The following NBEAL2 variants were observed in gnomAD, a reference collection of about 807,000 sequenced individuals.
The protein encoded by NBEAL2 is neurobeachin like 2.
In NBEAL2, 160 loss-of-function variants were observed where a neutral mutation model predicts 299.8. The ratio of observed to expected loss-of-function variants is 0.53; its 90% CI spans 0.47 to 0.61. The LOEUF is 0.61. Ranked by LOEUF, NBEAL2 falls within the 20% of genes least tolerant of loss-of-function variation. The pLI, the probability that NBEAL2 is intolerant of heterozygous loss-of-function variation, is 0.00. For missense variants in NBEAL2, 3,112 were observed against 3,649.0 expected, an observed-to-expected ratio of 0.85 and a Z score of 3.79; for synonymous variants, 1,493 against 1,542.3, an observed-to-expected ratio of 0.97 and a Z score of 0.75.
rs191244267 is a variant in NBEAL2 at position 46,996,699 on chromosome 3, G to C, written c.2474-52G>C. ...TCCTGTGGTCAGGCAGTCTCTGGAT[G>C]GGGTTTGGCCAGAGGCCTAGCAAGG... is the stretch of plus-strand genomic sequence containing the variant. On this transcript the variant is annotated intron_variant, in intron 16 of 53. Coordinates refer to ENST00000450053, the MANE Select transcript of NBEAL2 (RefSeq NM_015175.3). The C allele has an allele frequency of 1.9e-6, 3 of 1,580,184 alleles. No individual in the cohort carries two copies. The East Asian group carries it at 6.8e-5, about 36-fold the overall frequency.
In NBEAL2 at chr3:46,989,162, C is replaced by T. The variant is rs1023589274; in HGVS notation, c.347C>T (p.Ala116Val). The T allele has an allele frequency of 9.9e-6, 16 of 1,613,740 alleles. No homozygotes were observed. Among genetic ancestry groups the T allele is most frequent in the South Asian group, 3.3e-5 (3 of 91,060 alleles). Reference sequence around the variant, plus strand: ...CTGGCACTGTTGACCAAGTTGGTGGCGGAGGTGAAGTGGCCTCTACCTTGG... The same window carrying T: ...CTGGCACTGTTGACCAAGTTGGTGGTGGAGGTGAAGTGGCCTCTACCTTGG... ...RVLALLTKLV[A>V]ELKGCPPPQG... is the part of the protein sequence containing the mutation. The change falls in exon 4 of 54, where the codon GCG becomes GTG. Residue 116 changes from alanine (A) to valine (V), a missense_variant. Transcript: ENST00000450053. This position sits in a 1 kb window ranked among gnomAD's most constrained non-coding sequence, Gnocchi z 5.5.
chr3:47,001,970 G>A lies in NBEAL2; in HGVS notation c.4833G>A (p.Val1611=). ...VRLHMLLQTA[V]PARREEACYV... ...TGCACATGCTGCTACAGACTGCAGT[G>A]CCAGCCCGCCGCGAGGAGGCCTGCT... The change falls in exon 31 of 54, where the codon GTG becomes GTA. Residue 1611 remains valine, a synonymous_variant. Coordinates refer to ENST00000450053, the MANE Select transcript of NBEAL2 (RefSeq NM_015175.3). This position sits in a 1 kb window ranked among gnomAD's most constrained non-coding sequence, Gnocchi z 6.1. 6.2e-7 allele frequency: 1 copy of A among 1,608,926 alleles called. No homozygotes were observed. The highest frequency in any genetic ancestry group is 8.5e-7 in the Non-Finnish European group (1 of 1,177,688).
chr3:46,991,729 G>T lies in NBEAL2; in HGVS notation c.925+41G>T. ...CAGGCTCTTGGGGAAGGGGCACCATGAGGGAAAAGCCTAAGTGATGATGGA... is the reference window on the plus strand; with the variant it reads ...CAGGCTCTTGGGGAAGGGGCACCATTAGGGAAAAGCCTAAGTGATGATGGA... On this transcript the variant is annotated intron_variant, in intron 8 of 53. Transcript: ENST00000450053. The surrounding 1 kb of genome is among the most constrained non-coding windows in gnomAD (Gnocchi z 6.2). 6.3e-7 allele frequency: 1 copy of T among 1,577,650 alleles called. No individual in the cohort carries two copies. The highest frequency in any genetic ancestry group is 2.3e-5 in the East Asian group (1 of 43,386).
chr3:47,006,426 G>A lies in NBEAL2; in HGVS notation c.7111G>A (p.Glu2371Lys), dbSNP rs199633084. ...ACCTAGCATCTTCCAGCACCTGGAC[G>A]AACTCAAGGCATTCTTCGCAGAGGT... Reference protein sequence around the residue: ...NSPSIFQHLDELKAFFAEVVS... With the variant: ...NSPSIFQHLDKLKAFFAEVVS... The change falls in exon 45 of 54, where the codon GAA becomes AAA. Residue 2371 changes from glutamate (E) to lysine (K), a missense_variant. Physicochemically the swap from Glu to Lys is moderately conservative, Grantham distance 56 (BLOSUM62 1). Around this residue, in one of 3 missense-constraint regions of NBEAL2, gnomAD observed 521 missense variants for 729.6 expected, o/e 0.71. Coordinates refer to ENST00000450053, the MANE Select transcript of NBEAL2 (RefSeq NM_015175.3). 3.7e-5 allele frequency: 58 copies of A among 1,587,960 alleles called. No individual in the cohort carries two copies. Among genetic ancestry groups the A allele is most frequent in the Non-Finnish European group, 4.3e-5 (50 of 1,166,996 alleles).
At position 47,004,783 on chromosome 3, in the gene NBEAL2, T is replaced by A; in HGVS notation, c.6295-189T>A. The A allele has an allele frequency of 9.4e-7, 1 of 1,060,326 alleles. No individual in the cohort carries two copies. 65.7% of individuals were successfully genotyped at this position (1,060,326 alleles called of 1,614,324 possible). A position where few individuals can be genotyped will look rare whatever the true frequency, so the allele number is the denominator to read the frequency against. On this transcript the variant is annotated intron_variant, in intron 38 of 53. Coordinates refer to ENST00000450053, the MANE Select transcript of NBEAL2 (RefSeq NM_015175.3). This position sits in a 1 kb window ranked among gnomAD's most constrained non-coding sequence, Gnocchi z 5.0. ...GCCTCACTCCCTTCCCCTCCCTGCC[T>A]AGCCTCTATTCCTCAAAAGGAATCC...
chr3:46,993,175 C>T lies in NBEAL2; in HGVS notation c.1113+620C>T, dbSNP rs1464196032. Reference sequence around the variant, plus strand: ...TTTTCTTAGAGCTTACACGTCTATTCATCTGCAAAGCAGGCAGGGCAAAGT... The same window carrying T: ...TTTTCTTAGAGCTTACACGTCTATTTATCTGCAAAGCAGGCAGGGCAAAGT... On this transcript the variant is annotated intron_variant, in intron 10 of 53. Transcript: ENST00000450053. Among the ~76,000 whole-genome samples, 5 of 152,344 alleles carry T rather than the reference C, an allele frequency of 3.3e-5. No individual in the cohort carries two copies. In the East Asian group the frequency reaches 9.6e-4, roughly 29 times the overall value.
At position 47,003,125 on chromosome 3, in the gene NBEAL2, C is replaced by T. The variant is rs538976722; in HGVS notation, c.5584+44C>T. On this transcript the variant is annotated intron_variant, in intron 34 of 53. Coordinates refer to ENST00000450053, the MANE Select transcript of NBEAL2 (RefSeq NM_015175.3). This position sits in a 1 kb window ranked among gnomAD's most constrained non-coding sequence, Gnocchi z 7.0. Reference sequence around the variant, plus strand: ...ATGGGTCCACCCAACTCGATTGTCCCGTCTCCTGTCCTGCCTTGCTTCTGC... The same window carrying T: ...ATGGGTCCACCCAACTCGATTGTCCTGTCTCCTGTCCTGCCTTGCTTCTGC... The T allele has an allele frequency of 1.4e-4, 230 of 1,610,012 alleles. 4 individuals are homozygous for T. The South Asian group carries it at 2.4e-3, about 17-fold the overall frequency.
chr3:47,004,916 G>T lies in NBEAL2; in HGVS notation c.6295-56G>T. 1 of 1,565,278 alleles carries T rather than the reference G, an allele frequency of 6.4e-7. No homozygotes were observed. On this transcript the variant is annotated intron_variant, in intron 38 of 53. Transcript: ENST00000450053. This position sits in a 1 kb window ranked among gnomAD's most constrained non-coding sequence, Gnocchi z 5.0. The stretch of plus-strand genomic sequence containing the variant: ...TTCTTGAGGGTGTGGGCAGGGCAGG[G>T]TGGGCTGGTAGGCCATCAGGGCCCT...
chr3:47,003,200 G>A lies in NBEAL2; in HGVS notation c.5611G>A (p.Glu1871Lys). The stretch of plus-strand genomic sequence containing the variant: ...TGAGGTTCCCCTGACACCCACCGAG[G>A]AGGCCTCACTGCCTCTGGCAGTGAC... The part of the protein sequence containing the change: ...LGEVPLTPTE[E>K]ASLPLAVTKE... The change falls in exon 35 of 54, where the codon GAG becomes AAG. Residue 1871 changes from glutamate to lysine, a missense_variant. Glu to Lys is a moderately conservative substitution (Grantham distance 56). Coordinates refer to ENST00000450053, the MANE Select transcript of NBEAL2 (RefSeq NM_015175.3). The surrounding 1 kb of genome is among the most constrained non-coding windows in gnomAD (Gnocchi z 7.0). 2 of 1,611,580 alleles carry A rather than the reference G, an allele frequency of 1.2e-6. No homozygotes were observed. Among genetic ancestry groups the A allele is most frequent in the Non-Finnish European group, 1.7e-6 (2 of 1,178,652 alleles).
chr3:46,993,117 G>A (rs182604492), intron 10 of NBEAL2, among the ~76,000 whole-genome samples: 1 of 152,344 alleles, frequency 6.6e-6, no homozygotes, highest in African/African-American at 2.4e-5. Context: ...CTGTCTTCAT[G>A]AGGTAACCCT....
At chr3:46,983,215 C>T (rs1174868662) in intron 1 of NBEAL2, among the ~76,000 whole-genome samples, 2 of 152,092 alleles carry the variant, frequency 1.3e-5, no homozygotes, top group African/African-American at 4.8e-5. Flanking sequence ...GCCTACACTT[C>T]CCTGAGAGTT....
At chr3:46,994,599 T>A (rs2036341333) in intron 12 of NBEAL2, 46 bp downstream of exon 12, 3 of 1,485,546 alleles carry the variant, frequency 2.0e-6, no homozygotes, top group Non-Finnish European at 2.8e-6. Flanking sequence ...CAACCAGAAC[T>A]GAGTCAGGGT....
Position 47,004,475 on chromosome 3 carries a change from T to C in NBEAL2, c.6199-20T>C, listed in dbSNP as rs777165090. Reference sequence around the variant, plus strand: ...CTGGACAGCCCACCTGGCTCACATCTTGTCTGCCCCTGTCCCCAGAAATGG... The same window carrying C: ...CTGGACAGCCCACCTGGCTCACATCCTGTCTGCCCCTGTCCCCAGAAATGG... On this transcript the variant is annotated intron_variant, in intron 37 of 53. Coordinates refer to ENST00000450053, the MANE Select transcript of NBEAL2 (RefSeq NM_015175.3). This position sits in a 1 kb window ranked among gnomAD's most constrained non-coding sequence, Gnocchi z 5.0. 1 of 1,611,360 alleles carries C rather than the reference T, an allele frequency of 6.2e-7. No individual in the cohort carries two copies. Among genetic ancestry groups the C allele is most frequent in the Admixed American group, 1.7e-5 (1 of 59,942 alleles).
At chr3:46,996,667 G>C in intron 16 of NBEAL2, 75 bp downstream of exon 16, 1 of 1,538,076 alleles carries the variant, frequency 6.5e-7, no homozygotes, top group Non-Finnish European at 8.8e-7. Context: ...GCATCTCTGG[G>C]GGTCTCTCCT....
chr3:47,003,905 G>A lies in NBEAL2; in HGVS notation c.5810G>A (p.Gly1937Glu). The A allele has an allele frequency of 6.2e-7, 1 of 1,613,746 alleles. No homozygotes were observed. Among genetic ancestry groups the A allele is most frequent in the Non-Finnish European group, 8.5e-7 (1 of 1,179,752 alleles). ...GTGACGGTAGTGGCCGTGGTCCCAG[G>A]GCTGCTGGAGGTCACCACACAGAAT... ...QLVTVVAVVP[G>E]LLEVTTQNVY... The change falls in exon 36 of 54, where the codon GGG (glycine) becomes GAG (glutamate). Residue 1937 changes from glycine to glutamate, a missense_variant. By Grantham distance (98) the Gly-to-Glu change is moderately conservative. This residue lies in a region of NBEAL2 where 521 missense variants were observed against 729.6 expected (regional missense o/e 0.71). Coordinates refer to ENST00000450053, the MANE Select transcript of NBEAL2 (RefSeq NM_015175.3). This position sits in a 1 kb window ranked among gnomAD's most constrained non-coding sequence, Gnocchi z 7.0.
intron 12 of NBEAL2, 66 bp downstream of exon 12, chr3:46,994,619 T>C (rs1297956136): frequency 3.7e-6 from 5 of 1,356,658 alleles, no homozygotes; most frequent in African/African-American, 2.9e-5. Context: ...TTACCACAGA[T>C]GGTGAGCTCT....
chr3:46,997,484 G>C lies in NBEAL2; in HGVS notation c.2824+51G>C, dbSNP rs371739271. On this transcript the variant is annotated intron_variant, in intron 19 of 53. Coordinates refer to ENST00000450053, the MANE Select transcript of NBEAL2 (RefSeq NM_015175.3). Reference sequence around the variant, plus strand: ...TGGAGAGGGAATCTTGGCATGGTAGGGGGGTGGAATGCCCAAGGTCTCCTG... The same window carrying C: ...TGGAGAGGGAATCTTGGCATGGTAGCGGGGTGGAATGCCCAAGGTCTCCTG... The C allele has an allele frequency of 2.5e-6, 4 of 1,593,902 alleles. No individual in the cohort carries two copies. In the Middle Eastern group the frequency reaches 5.0e-4, roughly 199 times the overall value.
At chr3:46,986,033 C>G (rs898012947) in intron 1 of NBEAL2, among the ~76,000 whole-genome samples, 2 of 152,198 alleles carry the variant, frequency 1.3e-5, no homozygotes, top group Non-Finnish European at 2.9e-5. Context: ...GGGCCTAGGT[C>G]AGAGTTGGCC....
chr3:47,002,634 C>T lies in NBEAL2; in HGVS notation c.5302-11C>T. ...AGCAGCCAGGGGACTGACCTATTAC[C>T]CCCACCCCAGGAGCTGGTGCTGGAA... On this transcript the variant is annotated splice_polypyrimidine_tract_variant and intron_variant, in intron 32 of 53. Transcript: ENST00000450053. 1.2e-6 allele frequency: 2 copies of T among 1,608,266 alleles called. No homozygotes were observed. The highest frequency in any genetic ancestry group is 2.2e-5 in the East Asian group (1 of 44,764).
Sources: allele counts gnomAD v4.1 joint callset (sites outside exome capture counted in the v4.1 genomes callset), GRCh38; gene constraint gnomAD v4.1.1; regional missense constraint gnomAD v4.1.1; non-coding constraint Gnocchi (gnomAD v3.1); transcripts MANE v1.5; gene names NCBI Gene and HGNC (gene_info 2026-07-23, HGNC 2026-07-21).